RRBP1: variants seen among roughly 807,000 people sequenced by gnomAD.
RRBP1 encodes the protein ribosome binding protein 1, also known as ribosome-binding protein 1.
In RRBP1, 94 loss-of-function variants were observed where a neutral mutation model predicts 165.2. The observed-to-expected ratio is 0.57, with a 90% CI of 0.48 to 0.68. RRBP1 has a LOEUF of 0.68. Among genes scored for constraint, RRBP1 ranks in the 30% least tolerant of loss-of-function variants. The pLI is 0.00. For missense variants in RRBP1, 1,676 were observed against 1,763.0 expected, an observed-to-expected ratio of 0.95 and a Z score of 0.88; for synonymous variants, 680 against 714.5, an observed-to-expected ratio of 0.95 and a Z score of 0.77.
At chr20:17,636,768 T>C (rs1241230399) in intron 5 of RRBP1, 39 bp from the exon 6 acceptor site, 1 of 1,609,942 alleles carries the variant, frequency 6.2e-7, no homozygotes, top group Non-Finnish European at 8.5e-7. Context: ...TGGTAAGCCT[T>C]GCAGGGCAGG....
intron 23 of RRBP1, 34 bp from the exon 24 acceptor site, chr20:17,614,914 T>A: frequency 1.2e-6 from 2 of 1,608,174 alleles, no homozygotes; most frequent in Non-Finnish European, 1.7e-6. Context: ...CATCAGCCCT[T>A]GCACCGGCAG....
intron 2 of RRBP1, among the ~76,000 whole-genome samples, chr20:17,670,856 G>A (rs2036963994): frequency 6.6e-6 from 1 of 152,128 alleles, no homozygotes; most frequent in East Asian, 1.9e-4. Context: ...TTGGGTTTTG[G>A]TTGGGTGTCT....
Position 17,658,765 on chromosome 20 carries a change from T to G in RRBP1, c.1743A>C (p.Glu581Asp), listed in dbSNP as rs752423743. The change falls in exon 3 of 25, where the codon GAA becomes GAC. Residue 581 changes from glutamate to aspartate, a missense_variant. This residue lies in a region of RRBP1 where 1,184 missense variants were observed against 1,167.1 expected (regional missense o/e 1.01). Transcript: ENST00000377813. ...EGSPSEGKKA[E>D]GSPNQGKKAD... ...CCTTTTTGCCTTGGTTGGGGGACCC[T>G]TCTGCCTTTTTGCCTTCACTGGGGG... 5.7e-5 allele frequency: 92 copies of G among 1,612,466 alleles called. No individual in the cohort carries two copies. Among genetic ancestry groups the G allele is most frequent in the Non-Finnish European group, 7.3e-5 (86 of 1,178,676 alleles).
At chr20:17,628,258 C>G (rs2036071336) in intron 9 of RRBP1, among the ~76,000 whole-genome samples, 2 of 152,196 alleles carry the variant, frequency 1.3e-5, no homozygotes, top group African/African-American at 4.8e-5. Flanking sequence ...ACCCCAGGCT[C>G]TGCCATCTGC....
At chr20:17,625,384 AATGG>A in intron 12 of RRBP1, 124 bp downstream of exon 12, 1 of 778,464 alleles carries the variant, frequency 1.3e-6, no homozygotes, top group Non-Finnish European at 2.1e-6. Context: ...CCCACAGCAC[AATGG>A]GGTGTAGAAA....
chr20:17,614,522 C>A (rs917223630), intron 24 of RRBP1, among the ~76,000 whole-genome samples: 2 of 152,272 alleles, frequency 1.3e-5, no homozygotes, highest in East Asian at 3.9e-4. Flanking sequence ...GCAAGGGAAC[C>A]CCAGAAGGGT....
intron 7 of RRBP1, among the ~76,000 whole-genome samples, chr20:17,635,298 T>G (rs547969342): frequency 3.0e-4 from 46 of 152,242 alleles, no homozygotes; most frequent in South Asian, 4.2e-4. Context: ...GCAAGGGTGT[T>G]GCAGAGCAGG....
chr20:17,640,228 C>T (rs937650377), intron 5 of RRBP1, among the ~76,000 whole-genome samples: 3 of 152,156 alleles, frequency 2.0e-5, no homozygotes, highest in African/African-American at 7.2e-5. Context: ...GACCTCTGTG[C>T]AGAACAGGAA....
chr20:17,627,703 C>T lies in RRBP1; in HGVS notation c.2750-21G>A, dbSNP rs774564335. 34 of 1,568,042 alleles carry T rather than the reference C, an allele frequency of 2.2e-5. No individual in the cohort carries two copies. In the Middle Eastern group the frequency reaches 5.1e-4, roughly 24 times the overall value. ...CAGCTCTGGTGCAGAGGAAGGGAAA[C>T]GAGAAGTTAAGAGACTGCAAACCCC... On this transcript the variant is annotated intron_variant, in intron 9 of 24. Transcript: ENST00000377813.
intron 13 of RRBP1, chr20:17,623,419 G>C (rs1180716553): frequency 6.6e-6 from 1 of 152,260 alleles, no homozygotes; most frequent in Non-Finnish European, 1.5e-5. Context: ...CTCAAAGTGT[G>C]GGCAGGGCCT....
At chr20:17,670,241 G>A (rs2036950553) in intron 2 of RRBP1, among the ~76,000 whole-genome samples, 1 of 152,074 alleles carries the variant, frequency 6.6e-6, no homozygotes, top group Admixed American at 6.5e-5. Flanking sequence ...GTTAAACCAA[G>A]TTTGAATTCC....
chr20:17,645,431 G>A (rs541765380), intron 3 of RRBP1, among the ~76,000 whole-genome samples: 3 of 152,218 alleles, frequency 2.0e-5, no homozygotes, highest in Non-Finnish European at 4.4e-5. Context: ...AAATGTTAAC[G>A]CTCTCCTCTG....
intron 16 of RRBP1, 44 bp downstream of exon 16, chr20:17,621,414 G>T (rs1293698250): frequency 6.7e-7 from 1 of 1,500,172 alleles, no homozygotes; most frequent in Non-Finnish European, 9.2e-7. Flanking sequence ...CTCCTTCCCT[G>T]CAGCCTCCCA....
At chr20:17,616,137 G>T in intron 21 of RRBP1, 128 bp from the exon 22 acceptor site, 1 of 752,950 alleles carries the variant, frequency 1.3e-6, no homozygotes, top group Non-Finnish European at 2.1e-6. Context: ...CGCTCCCCTC[G>T]TTGGGGAGAG....
chr20:17,673,200 A>G (rs1408939979), intron 2 of RRBP1, among the ~76,000 whole-genome samples: 1 of 152,192 alleles, frequency 6.6e-6, no homozygotes, highest in Non-Finnish European at 1.5e-5. Context: ...GAGCATCTTT[A>G]AGGCCTGAAG....
intron 3 of RRBP1, among the ~76,000 whole-genome samples, chr20:17,650,733 C>T (rs1298543553): frequency 6.6e-6 from 1 of 152,160 alleles, no homozygotes; most frequent in Non-Finnish European, 1.5e-5. Flanking sequence ...CAGTCTACGC[C>T]CACACTGTAG....
chr20:17,681,778 A>AGGGCCGCGGGGTCC (rs1473942006), intron 1 of RRBP1, among the ~76,000 whole-genome samples: 2 of 150,174 alleles, frequency 1.3e-5, no homozygotes, highest in African/African-American at 4.9e-5. Context: ...CCGGACGGCG[A>AGGGCCGCGGGGTCC]GGGCCGCGGG....
chr20:17,681,277 G>A (rs1386518952), intron 1 of RRBP1, among the ~76,000 whole-genome samples: 1 of 148,478 alleles, frequency 6.7e-6, no homozygotes, highest in Non-Finnish European at 1.5e-5. Flanking sequence ...AGCCCAGCCG[G>A]GGAAACGGTG....
At chr20:17,632,429 T>C (rs963632607) in intron 8 of RRBP1, among the ~76,000 whole-genome samples, 7 of 152,134 alleles carry the variant, frequency 4.6e-5, no homozygotes, top group African/African-American at 1.7e-4. Flanking sequence ...GCTTCTCAAC[T>C]CCCTCTTCTG....
Sources: allele counts gnomAD v4.1 joint callset (sites outside exome capture counted in the v4.1 genomes callset), GRCh38; gene constraint gnomAD v4.1.1; regional missense constraint gnomAD v4.1.1; transcripts MANE v1.5; gene names NCBI Gene and HGNC (gene_info 2026-07-23, HGNC 2026-07-21).